RIMBP2: variants seen among roughly 807,000 people sequenced by gnomAD.
RIMBP2 encodes RIMS-binding protein 2.
A neutral mutation model predicts 118.6 loss-of-function variants in RIMBP2; 48 were observed. The observed-to-expected ratio is 0.40, with a 90% CI of 0.32 to 0.51. The LOEUF (loss-of-function observed/expected upper bound fraction) is 0.51. RIMBP2 is among the 20% of genes least tolerant of loss of function. RIMBP2 has a pLI of 0.41. For missense variants in RIMBP2, 1,551 were observed against 1,768.3 expected (o/e 0.88, Z 2.20); for synonymous variants, 762 against 742.9 (o/e 1.03, Z -0.42).
At chr12:130,695,477 C>G (rs770805941) in intron 1 of RIMBP2, among the ~76,000 whole-genome samples, 1 of 152,056 alleles carries the variant, frequency 6.6e-6, no homozygotes, top group African/African-American at 2.4e-5. Flanking sequence ...CATGCCGGCT[C>G]CCACCTGCAA....
At chr12:130,704,285 T>C (rs1187579377) in intron 1 of RIMBP2, among the ~76,000 whole-genome samples, 3 of 152,000 alleles carry the variant, frequency 2.0e-5, no homozygotes, top group Admixed American at 6.6e-5. Context: ...GTTTAAAAAA[T>C]AAACAAAAAG....
intron 1 of RIMBP2, among the ~76,000 whole-genome samples, chr12:130,685,574 T>A (rs1234023222): frequency 6.6e-6 from 1 of 152,068 alleles, no homozygotes; most frequent in African/African-American, 2.4e-5. Context: ...CTGAAAAGCC[T>A]CATTTCCAAA....
chr12:130,463,162 T>C (rs920979749), intron 6 of RIMBP2, among the ~76,000 whole-genome samples: 5 of 152,236 alleles, frequency 3.3e-5, no homozygotes, highest in African/African-American at 1.2e-4. Flanking sequence ...CCCGTGGTCC[T>C]GCCCCAGGCA....
chr12:130,689,666 T>G (rs534397715), intron 1 of RIMBP2, among the ~76,000 whole-genome samples: 1 of 152,040 alleles, frequency 6.6e-6, no homozygotes, highest in Non-Finnish European at 1.5e-5. Flanking sequence ...CCATCAACAC[T>G]TCGAGACTGC....
intron 4 of RIMBP2, among the ~76,000 whole-genome samples, chr12:130,497,147 A>G (rs1429412143): frequency 6.6e-6 from 1 of 152,032 alleles, no homozygotes; most frequent in East Asian, 1.9e-4. Flanking sequence ...AAAGCCTGTC[A>G]CTGAACGAGG....
At chr12:130,632,487 G>A (rs749210187) in intron 1 of RIMBP2, among the ~76,000 whole-genome samples, 31 of 152,054 alleles carry the variant, frequency 2.0e-4, no homozygotes, top group Non-Finnish European at 3.4e-4. Flanking sequence ...GGTGCCCTCC[G>A]TACAGAACAA....
At chr12:130,496,586 T>G (rs932383169) in intron 4 of RIMBP2, among the ~76,000 whole-genome samples, 4 of 152,036 alleles carry the variant, frequency 2.6e-5, no homozygotes, top group Non-Finnish European at 4.4e-5. Flanking sequence ...CAGCACACAG[T>G]GATACCTCAT....
intron 1 of RIMBP2, among the ~76,000 whole-genome samples, chr12:130,646,068 T>TCACCAC (rs2062876819): frequency 7.4e-6 from 1 of 134,270 alleles, no homozygotes; most frequent in East Asian, 2.3e-4. Flanking sequence ...ACCACCTGCC[T>TCACCAC]CTCCACCTCC....
intron 2 of RIMBP2, among the ~76,000 whole-genome samples, chr12:130,568,014 C>T (rs959002528): frequency 7.2e-5 from 11 of 152,136 alleles, no homozygotes; most frequent in Admixed American, 7.2e-4. Flanking sequence ...GGCCCGTGGT[C>T]CCAGGACCAT....
intron 1 of RIMBP2, among the ~76,000 whole-genome samples, chr12:130,681,247 C>T (rs531142162): frequency 6.6e-6 from 1 of 151,700 alleles, no homozygotes; most frequent in South Asian, 2.1e-4. Flanking sequence ...AGTTCAAGAA[C>T]AGCCCAGGCA....
At chr12:130,488,277 C>T (rs984316304) in intron 4 of RIMBP2, among the ~76,000 whole-genome samples, 2 of 151,968 alleles carry the variant, frequency 1.3e-5, no homozygotes, top group Non-Finnish European at 2.9e-5. Flanking sequence ...AAACATCTCT[C>T]GGAGATGGGC....
chr12:130,403,926 C>G (rs1051381588), intron 21 of RIMBP2, among the ~76,000 whole-genome samples: 25 of 152,244 alleles, frequency 1.6e-4, no homozygotes, highest in African/African-American at 4.8e-4. Flanking sequence ...GATACTTTCT[C>G]CGTATTATAA....
chr12:130,674,436 G>C (rs116924661), intron 1 of RIMBP2, among the ~76,000 whole-genome samples: 2,561 of 152,288 alleles, frequency 0.017, 30 homozygotes, highest in Non-Finnish European at 0.025. Flanking sequence ...GTTGTGCAGA[G>C]CAGGGCTGCT....
intron 6 of RIMBP2, among the ~76,000 whole-genome samples, chr12:130,460,360 G>A (rs892115038): frequency 6.6e-6 from 1 of 152,162 alleles, no homozygotes; most frequent in Non-Finnish European, 1.5e-5. Context: ...GGCAGTATTG[G>A]TATTGATGAG....
At position 130,475,442 on chromosome 12, in the gene RIMBP2, CT is replaced by C. The variant is rs2081347888; in HGVS notation, c.102+3469del. Among the ~76,000 whole-genome samples, 1 of 152,166 alleles carries C rather than the reference CT, an allele frequency of 6.6e-6. No homozygotes were observed. Among genetic ancestry groups the C allele is most frequent in the African/African-American group, 2.4e-5 (1 of 41,436 alleles). ...TACTGCACAATGTGGCACAATCCAC[CT>C]GTATTTCAGGAAAAATAAACTCCTG... is the stretch of plus-strand genomic sequence containing the variant. On this transcript the variant is annotated intron_variant, in intron 5 of 22. Transcript: ENST00000690449. The surrounding 1 kb of genome is among the most constrained non-coding windows in gnomAD (Gnocchi z 4.1).
chr12:130,608,634 C>T (rs2060327648), intron 2 of RIMBP2, among the ~76,000 whole-genome samples: 1 of 152,154 alleles, frequency 6.6e-6, no homozygotes, highest in South Asian at 2.1e-4. Flanking sequence ...AGGCTCAGGC[C>T]CTGTGGGGAC....
At chr12:130,583,441 A>G (rs1175585128) in intron 2 of RIMBP2, among the ~76,000 whole-genome samples, 1 of 129,430 alleles carries the variant, frequency 7.7e-6, no homozygotes, top group East Asian at 2.3e-4. Flanking sequence ...CATCACTACT[A>G]TTACATCATC....
At chr12:130,402,761 CAGTG>C (rs1179193980) in intron 21 of RIMBP2, among the ~76,000 whole-genome samples, 4 of 152,216 alleles carry the variant, frequency 2.6e-5, no homozygotes, top group African/African-American at 9.6e-5. Context: ...GTGCCCCAGT[CAGTG>C]AGACATCCAC....
At chr12:130,574,766 C>A (rs1422205937) in intron 2 of RIMBP2, among the ~76,000 whole-genome samples, 1 of 151,984 alleles carries the variant, frequency 6.6e-6, no homozygotes, top group African/African-American at 2.4e-5. Context: ...ACCCCTCTGC[C>A]ACCACCTCCT....
Sources: allele counts gnomAD v4.1 joint callset (sites outside exome capture counted in the v4.1 genomes callset), GRCh38; gene constraint gnomAD v4.1.1; non-coding constraint Gnocchi (gnomAD v3.1); transcripts MANE v1.5; gene names NCBI Gene and HGNC (gene_info 2026-07-23, HGNC 2026-07-21).